The following HACD3 variants were observed in gnomAD, a reference collection of about 807,000 sequenced individuals.
HACD3 encodes the protein very-long-chain (3R)-3-hydroxyacyl-CoA dehydratase 3.
In HACD3, 30 loss-of-function variants were observed where a neutral mutation model predicts 55.2. The ratio of observed to expected loss-of-function variants is 0.54; its 90% CI spans 0.41 to 0.74. The LOEUF is 0.74. Among genes scored for constraint, HACD3 ranks in the 30% least tolerant of loss-of-function variants. HACD3 has a pLI of 0.00. For synonymous variants in HACD3, 141 were observed against 151.7 expected (o/e 0.93, Z 0.52); for missense variants, 363 against 440.1 (o/e 0.82, Z 1.57).
intron 6 of HACD3, 23 bp from the exon 7 acceptor site, chr15:65,564,191 CT>C (rs1309031468): frequency 1.2e-6 from 2 of 1,609,058 alleles, no homozygotes; most frequent in Admixed American, 1.7e-5. Flanking sequence ...CTGATTCACC[CT>C]TAATGTATAT....
At chr15:65,548,918 T>G (rs1340851510) in intron 1 of HACD3, among the ~76,000 whole-genome samples, 2 of 152,086 alleles carry the variant, frequency 1.3e-5, no homozygotes, top group Non-Finnish European at 2.9e-5. Context: ...GTCTGACTAC[T>G]TGCTATGTAT....
intron 1 of HACD3, among the ~76,000 whole-genome samples, chr15:65,543,219 T>C (rs952926081): frequency 5.9e-5 from 9 of 152,194 alleles, no homozygotes; most frequent in Admixed American, 3.3e-4. Context: ...TCTGGTACTT[T>C]AGTAGATCAT....
rs2072303817 is a variant in HACD3 at position 65,567,503 on chromosome 15, TC to T, written c.661-2585del. Among the ~76,000 whole-genome samples the T allele has an allele frequency of 2.0e-5, 3 of 152,284 alleles. No homozygotes were observed. The South Asian group carries it at 6.2e-4, about 32-fold the overall frequency. ...TTATAATATTGTTAGTTCTCATATT[TC>T]CCTGTAGATTCAATACATTTCCAAT... On this transcript the variant is annotated intron_variant, in intron 7 of 10. Coordinates refer to ENST00000261875, the MANE Select transcript of HACD3 (RefSeq NM_016395.4).
At chr15:65,537,084 A>G (rs891839309) in intron 1 of HACD3, among the ~76,000 whole-genome samples, 1 of 152,214 alleles carries the variant, frequency 6.6e-6, no homozygotes, top group African/African-American at 2.4e-5. Flanking sequence ...AGCCTAATCC[A>G]GAACAAGGCC....
intron 1 of HACD3, among the ~76,000 whole-genome samples, chr15:65,548,216 T>C (rs2072095280): frequency 6.6e-6 from 1 of 152,098 alleles, no homozygotes. Context: ...TTATTGTTAT[T>C]TTTAAAATTA....
In HACD3 at chr15:65,539,210, CTTTTTTTTTTTTT is replaced by C. The variant is rs71139414; in HGVS notation, c.87+8507_87+8519del. ...TTTCTGAGAATGTTCAGTGACAGGA[CTTTTTTTTTTTTT>C]TTTTTTTTTTTTTTGAGATGGAGTC... On this transcript the variant is annotated intron_variant, in intron 1 of 10. Transcript: ENST00000261875. Among the ~76,000 whole-genome samples the C allele has an allele frequency of 2.0e-4, 11 of 54,310 alleles. 1 individual carries two copies. The highest frequency in any genetic ancestry group is 3.5e-4 in the Non-Finnish European group (11 of 31,062). 35.6% of individuals were successfully genotyped at this position (54,310 alleles called of 152,430 possible).
intron 7 of HACD3, chr15:65,567,047 G>GC (rs1297630765): frequency 6.6e-6 from 1 of 152,134 alleles, no homozygotes; most frequent in African/African-American, 2.4e-5. Context: ...TTACAGCCAG[G>GC]CATGGTGGCT....
At chr15:65,531,739 T>C (rs2141199506) in intron 1 of HACD3, among the ~76,000 whole-genome samples, 1 of 152,208 alleles carries the variant, frequency 6.6e-6, no homozygotes, top group East Asian at 1.9e-4. Flanking sequence ...CTAATTTTTG[T>C]ATTTTTAGTA....
At chr15:65,556,945 T>C in intron 4 of HACD3, 42 bp downstream of exon 4, 1 of 1,567,428 alleles carries the variant, frequency 6.4e-7, no homozygotes, top group Non-Finnish European at 8.7e-7. Flanking sequence ...GGACAAATCA[T>C]GGGGAACCCA....
intron 5 of HACD3, 29 bp from the exon 6 acceptor site, chr15:65,562,745 A>G: frequency 1.2e-6 from 2 of 1,608,930 alleles, no homozygotes; most frequent in Non-Finnish European, 1.7e-6. Context: ...ATTGCTTTTA[A>G]TAGCTTACTG....
At chr15:65,533,967 C>T (rs564772069) in intron 1 of HACD3, among the ~76,000 whole-genome samples, 2 of 151,180 alleles carry the variant, frequency 1.3e-5, no homozygotes, top group South Asian at 2.1e-4. Flanking sequence ...AGGAGAATGG[C>T]GTGAACCCGG....
chr15:65,556,966 GC>G lies in HACD3; in HGVS notation c.369+65del, dbSNP rs2072198182. On this transcript the variant is annotated intron_variant, in intron 4 of 10. Transcript: ENST00000261875. Reference sequence around the variant, plus strand: ...ATCATGGGGAACCCACGTTATTCAGGCCACTTCAGATACCTCTCGGTCTGAA... The same window carrying G: ...ATCATGGGGAACCCACGTTATTCAGGCACTTCAGATACCTCTCGGTCTGAA... 4 of 1,476,466 alleles carry G rather than the reference GC, an allele frequency of 2.7e-6. No homozygotes were observed. The Admixed American group carries it at 8.0e-5, about 29-fold the overall frequency. 91.5% of individuals were successfully genotyped at this position (1,476,466 alleles called of 1,614,324 possible). A position where few individuals can be genotyped will look rare whatever the true frequency, so the allele number is the denominator to read the frequency against.
chr15:65,535,863 T>A (rs948404332), intron 1 of HACD3: 7 of 580,090 alleles, frequency 1.2e-5, no homozygotes, highest in African/African-American at 5.7e-5. Context: ...TTCAATTTTT[T>A]AATTTTTTTA....
intron 1 of HACD3, among the ~76,000 whole-genome samples, chr15:65,538,469 C>G (rs1402256123): frequency 2.0e-5 from 3 of 152,128 alleles, no homozygotes; most frequent in Non-Finnish European, 4.4e-5. Context: ...CTGAATGCAG[C>G]AATCTCATGA....
At chr15:65,548,022 G>T (rs922054523) in intron 1 of HACD3, among the ~76,000 whole-genome samples, 13 of 152,124 alleles carry the variant, frequency 8.5e-5, no homozygotes, top group African/African-American at 2.7e-4. Context: ...GAGGAGGAGA[G>T]AACAGGAATT....
intron 9 of HACD3, 71 bp downstream of exon 9, chr15:65,571,725 T>A: frequency 8.4e-7 from 1 of 1,189,784 alleles, no homozygotes; most frequent in Non-Finnish European, 1.2e-6. Flanking sequence ...GACCAGTCCT[T>A]TCTTCCCCGG....
intron 1 of HACD3, among the ~76,000 whole-genome samples, chr15:65,543,046 C>G (rs538083381): frequency 0.019 from 365 of 18,796 alleles, 7 homozygotes; most frequent in African/African-American, 0.047. Flanking sequence ...TGCACTCCAG[C>G]CTGGCGACAG....
chr15:65,554,993 T>G lies in HACD3; in HGVS notation c.204+33T>G, dbSNP rs139489882. 7.6e-4 allele frequency: 1,141 copies of G among 1,505,644 alleles called. 10 individuals carry two copies. The African/African-American group carries it at 0.014, about 18-fold the overall frequency. The allele number at this position is 1,505,644 out of a possible 1,614,324, so 93.3% of individuals were successfully genotyped here. ...CTTTCCTTTCTCACTTCCCTTCCCATTTTAGGAAATGAATACCAGTAGTTT... is the reference window on the plus strand; with the variant it reads ...CTTTCCTTTCTCACTTCCCTTCCCAGTTTAGGAAATGAATACCAGTAGTTT... On this transcript the variant is annotated intron_variant, in intron 3 of 10. Transcript: ENST00000261875.
intron 1 of HACD3, among the ~76,000 whole-genome samples, chr15:65,546,733 G>A (rs1378620890): frequency 6.6e-6 from 1 of 152,180 alleles, no homozygotes; most frequent in Non-Finnish European, 1.5e-5. Flanking sequence ...GAGCCACCAT[G>A]CCTGGCCTAG....
Sources: gnomAD v4.1 joint callset for allele counts (sites outside exome capture counted in the v4.1 genomes callset) on GRCh38, gnomAD v4.1.1 for gene constraint, MANE v1.5 for transcripts, NCBI Gene and HGNC (gene_info 2026-07-23, HGNC 2026-07-21) for gene names.